The following MRRF variants were observed in gnomAD, a reference collection of about 807,000 sequenced individuals.
MRRF encodes the protein mitochondrial ribosome recycling factor, also known as ribosome-recycling factor, mitochondrial.
Under a neutral mutation model 25.1 loss-of-function variants are expected in MRRF, and 18 were observed. The observed-to-expected ratio is 0.72, with a 90% CI of 0.50 to 1.06. The LOEUF is 1.06. Ranked by LOEUF, MRRF falls within the 50% of genes least tolerant of loss-of-function variation. The probability of loss-of-function intolerance (pLI) is 0.00; values close to 1 mark genes in which losing one functional copy is unlikely to be tolerated. For synonymous variants in MRRF, 113 were observed against 112.1 expected (o/e 1.01, Z -0.05); for missense variants, 323 against 319.3 (o/e 1.01, Z -0.09).
At chr9:122,267,573 T>G (rs1442788456) in intron 1 of MRRF, among the ~76,000 whole-genome samples, 1 of 152,134 alleles carries the variant, frequency 6.6e-6, no homozygotes, top group African/African-American at 2.4e-5. Context: ...CCCAAGTAAC[T>G]GGGACTATAG....
At chr9:122,268,914 C>T (rs1279821229) in intron 1 of MRRF, among the ~76,000 whole-genome samples, 2 of 152,196 alleles carry the variant, frequency 1.3e-5, no homozygotes, top group East Asian at 3.9e-4. Context: ...GCCTGTAATC[C>T]TAGCACTTTG....
chr9:122,322,433 G>T (rs1289488270), intron 6 of MRRF, 107 bp from the exon 7 acceptor site: 1 of 982,116 alleles, frequency 1.0e-6, no homozygotes, highest in Admixed American at 2.0e-5. Context: ...GTGAACTTTT[G>T]TCACTATTAT....
chr9:122,307,290 T>C (rs2118921899), intron 5 of MRRF, among the ~76,000 whole-genome samples: 1 of 152,250 alleles, frequency 6.6e-6, no homozygotes, highest in Middle Eastern at 3.4e-3. Flanking sequence ...ATGTCAGGAA[T>C]GTATCTTGAT....
intron 5 of MRRF, among the ~76,000 whole-genome samples, chr9:122,302,087 A>C (rs561011333): frequency 2.6e-5 from 4 of 151,996 alleles, no homozygotes; most frequent in African/African-American, 9.7e-5. Flanking sequence ...GTCTGTCTCT[A>C]CTGCCGTGAG....
chr9:122,286,435 T>G (rs928716721), intron 4 of MRRF, among the ~76,000 whole-genome samples: 2 of 152,212 alleles, frequency 1.3e-5, no homozygotes, highest in Non-Finnish European at 2.9e-5. Flanking sequence ...CCAGGCGTGG[T>G]GGCTCATGCC....
intron 2 of MRRF, among the ~76,000 whole-genome samples, chr9:122,280,094 G>T (rs1196097137): frequency 1.3e-5 from 2 of 152,158 alleles, no homozygotes; most frequent in Admixed American, 1.3e-4. Context: ...GACTTAATTT[G>T]TATCCTTGTA....
chr9:122,283,778 T>C (rs1833220727), intron 3 of MRRF, among the ~76,000 whole-genome samples: 1 of 152,228 alleles, frequency 6.6e-6, no homozygotes, highest in African/African-American at 2.4e-5. Context: ...CTACTGTGAA[T>C]AGTAAGGTTT....
intron 4 of MRRF, among the ~76,000 whole-genome samples, chr9:122,288,268 A>C (rs1000283246): frequency 6.6e-6 from 1 of 152,238 alleles, no homozygotes. Flanking sequence ...AACCACGCAC[A>C]ACTCTGCAGG....
At chr9:122,306,831 C>T (rs1200574147) in intron 5 of MRRF, among the ~76,000 whole-genome samples, 5 of 152,170 alleles carry the variant, frequency 3.3e-5, no homozygotes, top group African/African-American at 1.2e-4. Flanking sequence ...AACCTCCTTT[C>T]TCATTTGGTC....
intron 2 of MRRF, among the ~76,000 whole-genome samples, chr9:122,271,759 C>G (rs1832477568): frequency 6.6e-6 from 1 of 152,204 alleles, no homozygotes; most frequent in African/African-American, 2.4e-5. Context: ...TAGCACCTAA[C>G]AGGGCCTGGA....
intron 2 of MRRF, among the ~76,000 whole-genome samples, chr9:122,272,226 A>G (rs1056215082): frequency 3.3e-5 from 5 of 152,206 alleles, no homozygotes; most frequent in Admixed American, 6.5e-5. Flanking sequence ...CCATGTTCCT[A>G]TATAGTTAAT....
chr9:122,267,002 G>A (rs1271289272), intron 1 of MRRF, among the ~76,000 whole-genome samples: 6 of 151,934 alleles, frequency 3.9e-5, no homozygotes, highest in African/African-American at 7.2e-5. Flanking sequence ...CCCTGGAGGC[G>A]GAGGTTGCAG....
chr9:122,314,890 C>T (rs997062370), intron 6 of MRRF, among the ~76,000 whole-genome samples: 22 of 152,140 alleles, frequency 1.4e-4, no homozygotes, highest in Non-Finnish European at 2.5e-4. Context: ...TTAAAGCCTC[C>T]TCATCCACAA....
intron 1 of MRRF, among the ~76,000 whole-genome samples, chr9:122,270,584 T>A (rs1832386501): frequency 6.6e-6 from 1 of 152,250 alleles, no homozygotes; most frequent in Non-Finnish European, 1.5e-5. Context: ...ATTTGCTTAA[T>A]GGGCATTTTG....
chr9:122,313,224 C>T lies in MRRF; in HGVS notation c.552-3C>T, dbSNP rs1402152313. 2 of 1,613,628 alleles carry T rather than the reference C, an allele frequency of 1.2e-6. No individual in the cohort carries two copies. The highest frequency in any genetic ancestry group is 1.7e-5 in the Admixed American group (1 of 59,974). On this transcript the variant is annotated splice_region_variant and splice_polypyrimidine_tract_variant and intron_variant, in intron 5 of 6. Transcript: ENST00000344641. ...TTGTTGAATGTCTTTTGTCTTTTAT[C>T]AGAGTAACCAGAGAGCACAGAGAAA... is the stretch of plus-strand genomic sequence containing the variant.
Position 122,282,468 on chromosome 9 carries a change from A to G in MRRF, c.340+1870A>G, listed in dbSNP as rs542068826. On this transcript the variant is annotated intron_variant, in intron 3 of 6. Coordinates refer to ENST00000344641, the MANE Select transcript of MRRF (RefSeq NM_138777.5). ...AGAACCTGATGTGAAGGGTCAAACA[A>G]GTAAACCAACATGTATAAAACTATA... 4.6e-5 allele frequency among the ~76,000 whole-genome samples: 7 copies of G among 152,380 alleles called. No individual in the cohort carries two copies. In the East Asian group the frequency reaches 1.3e-3, roughly 29 times the overall value.
chr9:122,325,616 A>AT lies in MRRF; in HGVS notation c.*3006dup. 1 of 132,502 alleles carries AT rather than the reference A, an allele frequency of 7.5e-6. No individual in the cohort carries two copies. The highest frequency in any genetic ancestry group is 7.7e-5 in the Admixed American group (1 of 12,942). The allele number at this position is 132,502 out of a possible 1,614,324, so 8.2% of individuals were successfully genotyped here. ...TATTCAGGCCAGAGAGAATTTGAGA[A>AT]TTTTTTTCCTGTCTGGTGTGTGTGT... On this transcript the variant is annotated 3_prime_UTR_variant, in exon 7 of 7. Coordinates refer to ENST00000344641, the MANE Select transcript of MRRF (RefSeq NM_138777.5).
intron 2 of MRRF, 52 bp downstream of exon 2, chr9:122,271,127 C>T (rs1468973478): frequency 6.7e-7 from 1 of 1,491,204 alleles, no homozygotes; most frequent in Non-Finnish European, 9.4e-7. Flanking sequence ...ATAGTTGGCC[C>T]TTGAATTATA....
chr9:122,303,949 A>G (rs143407261), intron 5 of MRRF, among the ~76,000 whole-genome samples: 123 of 152,110 alleles, frequency 8.1e-4, no homozygotes, highest in Admixed American at 3.5e-3. Flanking sequence ...TAGTGTCTAT[A>G]GTTTGTACAT....
Sources: allele counts gnomAD v4.1 joint callset (sites outside exome capture counted in the v4.1 genomes callset), GRCh38; gene constraint gnomAD v4.1.1; transcripts MANE v1.5; gene names NCBI Gene and HGNC (gene_info 2026-07-23, HGNC 2026-07-21).